Variants in KMT2C observed in about 807,000 individuals in gnomAD.
The protein encoded by KMT2C is lysine methyltransferase 2C, also known as histone-lysine N-methyltransferase 2C.
In KMT2C, 88 loss-of-function variants were observed where a neutral mutation model predicts 507.9. The ratio of observed to expected loss-of-function variants is 0.17; its 90% CI spans 0.15 to 0.21. The LOEUF is 0.21. Ranked by LOEUF, KMT2C falls within the 10% of genes least tolerant of loss-of-function variation. The pLI is 1.00. For synonymous variants in KMT2C, 2,049 were observed against 2,080.8 expected (o/e 0.98, Z 0.42); for missense variants, 4,954 against 5,957.8 (o/e 0.83, Z 5.55).
At chr7:152,180,228 C>T in intron 36 of KMT2C, 102 bp from the exon 37 acceptor site, 2 of 1,271,026 alleles carry the variant, frequency 1.6e-6, no homozygotes, top group Non-Finnish European at 2.2e-6. Context: ...GCTATGTTGC[C>T]CAGGCTGGCC....
At chr7:152,289,421 G>A (rs976151420) in intron 6 of KMT2C, among the ~76,000 whole-genome samples, 3 of 152,142 alleles carry the variant, frequency 2.0e-5, no homozygotes, top group Non-Finnish European at 2.9e-5. Flanking sequence ...GTGACAAAAC[G>A]AGAAATAAAG....
At chr7:152,167,430 T>G (rs1474331650) in intron 41 of KMT2C, 52 bp from the exon 42 acceptor site, 1 of 1,215,408 alleles carries the variant, frequency 8.2e-7, no homozygotes. Flanking sequence ...AGTCCAACAT[T>G]ATAAGTTACA....
At chr7:152,319,244 T>C (rs2096749401) in intron 3 of KMT2C, among the ~76,000 whole-genome samples, 1 of 152,190 alleles carries the variant, frequency 6.6e-6, no homozygotes, top group African/African-American at 2.4e-5. Context: ...AATAGTTATA[T>C]AGATCATAGA....
Position 152,250,853 on chromosome 7 carries a change from C to G in KMT2C, c.1735G>C (p.Ala579Pro). The G allele has an allele frequency of 6.7e-7, 1 of 1,486,188 alleles. No individual in the cohort carries two copies. Among genetic ancestry groups the G allele is most frequent in the Non-Finnish European group, 9.4e-7 (1 of 1,065,060 alleles). The allele number at this position is 1,486,188 out of a possible 1,614,324, so 92.1% of individuals were successfully genotyped here. Reference protein sequence around the residue: ...QESTPGIVPDAVQVHTEEQQK... With the variant: ...QESTPGIVPDPVQVHTEEQQK... The stretch of plus-strand genomic sequence containing the variant: ...GAGTATATCCATTAAACATTCTTAC[C>G]ATCTGGAACAATTCCAGGAGTGGAC... The change falls in exon 12 of 59, where the codon GCG becomes CCG. Residue 579 changes from alanine (A) to proline (P), a missense_variant and splice_region_variant. Around this residue, in one of 29 missense-constraint regions of KMT2C, gnomAD observed 376 missense variants for 352.4 expected, o/e 1.07. Transcript: ENST00000262189.
At chr7:152,228,860 T>C (rs1291581504) in intron 18 of KMT2C, among the ~76,000 whole-genome samples, 2 of 152,226 alleles carry the variant, frequency 1.3e-5, no homozygotes, top group African/African-American at 4.8e-5. Flanking sequence ...TTCAGTCACA[T>C]ACCATGAGCA....
intron 1 of KMT2C, among the ~76,000 whole-genome samples, chr7:152,411,528 AGAG>A (rs1438030786): frequency 6.6e-6 from 1 of 152,352 alleles, no homozygotes; most frequent in South Asian, 2.1e-4. Context: ...TCTATGAGAA[AGAG>A]GAGGGGGAAG....
intron 1 of KMT2C, among the ~76,000 whole-genome samples, chr7:152,420,940 G>A (rs1218035034): frequency 4.0e-5 from 6 of 151,700 alleles, no homozygotes; most frequent in Non-Finnish European, 7.4e-5. Flanking sequence ...AATGGGTGCA[G>A]CACACCAACA....
intron 7 of KMT2C, among the ~76,000 whole-genome samples, chr7:152,271,428 C>T (rs78644047): frequency 6.6e-6 from 1 of 152,044 alleles, no homozygotes; most frequent in Non-Finnish European, 1.5e-5. Context: ...TATCCCAGCA[C>T]TTTGGGAGGC....
chr7:152,290,463 C>G (rs999574761), intron 6 of KMT2C, among the ~76,000 whole-genome samples: 7 of 150,590 alleles, frequency 4.6e-5, no homozygotes, highest in Non-Finnish European at 7.4e-5. Context: ...GTGCCTGCTA[C>G]CATGCCCGGC....
At chr7:152,208,661 A>T (rs1029997489) in intron 23 of KMT2C, among the ~76,000 whole-genome samples, 2 of 152,242 alleles carry the variant, frequency 1.3e-5, no homozygotes, top group African/African-American at 4.8e-5. Context: ...TATGCTTTAC[A>T]TTGTATTACA....
At chr7:152,430,606 T>C (rs2097855896) in intron 1 of KMT2C, among the ~76,000 whole-genome samples, 1 of 152,230 alleles carries the variant, frequency 6.6e-6, no homozygotes, top group Non-Finnish European at 1.5e-5. Context: ...GTCCGTTCAC[T>C]GCAGCCTCAA....
chr7:152,359,977 A>T (rs891253759), intron 1 of KMT2C, among the ~76,000 whole-genome samples: 1 of 139,796 alleles, frequency 7.2e-6, no homozygotes, highest in Non-Finnish European at 1.5e-5. Context: ...TGAACCTGAC[A>T]GATGGAGGTT....
chr7:152,145,017 G>T, intron 54 of KMT2C, 136 bp from the exon 55 acceptor site: 1 of 1,357,944 alleles, frequency 7.4e-7, no homozygotes, highest in African/African-American at 1.5e-5. Context: ...AGAGACACAC[G>T]GCGAGTTCTC....
At chr7:152,189,306 A>G (rs1175630221) in intron 31 of KMT2C, among the ~76,000 whole-genome samples, 1 of 152,164 alleles carries the variant, frequency 6.6e-6, no homozygotes, top group Non-Finnish European at 1.5e-5. Context: ...ACCTTCAAAA[A>G]GCCCTCCCAA....
intron 3 of KMT2C, among the ~76,000 whole-genome samples, chr7:152,321,440 A>G (rs1202854695): frequency 6.6e-6 from 1 of 151,780 alleles, no homozygotes; most frequent in Non-Finnish European, 1.5e-5. Flanking sequence ...GGTCAAGAGA[A>G]AGACATAAGG....
intron 23 of KMT2C, among the ~76,000 whole-genome samples, chr7:152,213,703 A>T (rs1357234577): frequency 2.0e-5 from 3 of 152,086 alleles, no homozygotes; most frequent in Non-Finnish European, 4.4e-5. Flanking sequence ...CAAAAGCAAA[A>T]ATAAGCAAGT....
intron 9 of KMT2C, among the ~76,000 whole-genome samples, chr7:152,258,130 G>A (rs2095693416): frequency 6.6e-6 from 1 of 152,126 alleles, no homozygotes; most frequent in Non-Finnish European, 1.5e-5. Context: ...ATTTAACAAT[G>A]GACTTATTCC....
chr7:152,219,840 A>G (rs1228380241), intron 23 of KMT2C, among the ~76,000 whole-genome samples: 1 of 151,972 alleles, frequency 6.6e-6, no homozygotes, highest in Non-Finnish European at 1.5e-5. Flanking sequence ...CATCTCTACA[A>G]AAAAATACAA....
chr7:152,194,639 AC>A, intron 28 of KMT2C, 71 bp from the exon 29 acceptor site: 1 of 1,163,162 alleles, frequency 8.6e-7, no homozygotes, highest in East Asian at 2.5e-5. Context: ...AGCACTATTT[AC>A]CTGTACTTAG....
Sources: gnomAD v4.1 joint callset for allele counts (sites outside exome capture counted in the v4.1 genomes callset) on GRCh38, gnomAD v4.1.1 for gene constraint, gnomAD v4.1.1 regional missense constraint, MANE v1.5 for transcripts, NCBI Gene and HGNC (gene_info 2026-07-23, HGNC 2026-07-21) for gene names.